NEO1: variants seen among roughly 807,000 people sequenced by gnomAD.
NEO1 encodes the protein neogenin 1, also known as neogenin.
A neutral mutation model predicts 159.7 loss-of-function variants in NEO1; 63 were observed. The observed-to-expected ratio is 0.39, with a 90% CI of 0.32 to 0.49. The LOEUF is 0.49. Among genes scored for constraint, NEO1 ranks in the 20% least tolerant of loss-of-function variants. The probability of loss-of-function intolerance (pLI) is 0.85; values close to 1 mark genes in which losing one functional copy is unlikely to be tolerated. For missense variants in NEO1, 1,615 were observed against 1,831.0 expected, an observed-to-expected ratio of 0.88 and a Z score of 2.15; for synonymous variants, 633 against 662.0, an observed-to-expected ratio of 0.96 and a Z score of 0.67.
intron 16 of NEO1, 118 bp from the exon 17 acceptor site, chr15:73,269,892 T>G: frequency 1.2e-6 from 1 of 804,008 alleles, no homozygotes; most frequent in East Asian, 2.4e-5. Flanking sequence ...CTCTGAATTT[T>G]CTTTCTTTTT....
intron 16 of NEO1, among the ~76,000 whole-genome samples, chr15:73,269,570 G>A (rs1056071597): frequency 2.6e-5 from 4 of 152,168 alleles, no homozygotes; most frequent in African/African-American, 7.2e-5. Context: ...ATATTGGCTA[G>A]GCTGGTCTTG....
At chr15:73,186,127 A>G (rs941884200) in intron 7 of NEO1, among the ~76,000 whole-genome samples, 14 of 151,968 alleles carry the variant, frequency 9.2e-5, no homozygotes, top group African/African-American at 3.4e-4. Flanking sequence ...GACACATTAC[A>G]TACAGAGGAA....
intron 22 of NEO1, among the ~76,000 whole-genome samples, chr15:73,281,317 C>T (rs190372331): frequency 0.014 from 2,174 of 150,998 alleles, 60 homozygotes; most frequent in African/African-American, 0.05. Context: ...GTGCATGGCG[C>T]GATCTCCGCT....
intron 5 of NEO1, among the ~76,000 whole-genome samples, chr15:73,138,771 AC>A (rs150764933): frequency 1.0e-4 from 15 of 145,974 alleles, no homozygotes; most frequent in African/African-American, 2.4e-4. Context: ...AAAAAAAAAA[AC>A]AAAAAAACAA....
intron 7 of NEO1, among the ~76,000 whole-genome samples, chr15:73,185,929 T>G (rs2035894695): frequency 6.6e-6 from 1 of 151,538 alleles, no homozygotes; most frequent in Non-Finnish European, 1.5e-5. Context: ...GCCAAGAATT[T>G]TAAAAAATGA....
At chr15:73,057,270 A>T (rs1396159718) in intron 1 of NEO1, among the ~76,000 whole-genome samples, 1 of 152,124 alleles carries the variant, frequency 6.6e-6, no homozygotes, top group Non-Finnish European at 1.5e-5. Flanking sequence ...GGCTTAATTG[A>T]TCATTGCTGG....
chr15:73,188,457 T>C lies in NEO1; in HGVS notation c.1291+10030T>C, dbSNP rs562334347. The stretch of plus-strand genomic sequence containing the variant: ...TACAGGGGTTCAAAGGCATGGTTTT[T>C]AATGGCCAAAAAACTTTTCCATCAT... On this transcript the variant is annotated intron_variant, in intron 7 of 28. Transcript: ENST00000261908. 5.9e-5 allele frequency among the ~76,000 whole-genome samples: 9 copies of C among 152,314 alleles called. No homozygotes were observed. In the East Asian group the frequency reaches 1.5e-3, roughly 26 times the overall value.
At chr15:73,142,482 A>G (rs2032486819) in intron 5 of NEO1, among the ~76,000 whole-genome samples, 1 of 152,192 alleles carries the variant, frequency 6.6e-6, no homozygotes, top group African/African-American at 2.4e-5. Context: ...CTGAAAGTCC[A>G]TTAGAAAAGC....
chr15:73,148,738 A>G (rs753997572), intron 5 of NEO1, among the ~76,000 whole-genome samples: 5 of 152,212 alleles, frequency 3.3e-5, no homozygotes, highest in Non-Finnish European at 7.3e-5. Flanking sequence ...AGCTAAATGA[A>G]TCTAAATTAT....
At chr15:73,214,956 C>G (rs903315793) in intron 7 of NEO1, among the ~76,000 whole-genome samples, 1 of 152,082 alleles carries the variant, frequency 6.6e-6, no homozygotes, top group Non-Finnish European at 1.5e-5. Context: ...TGATTTCTTT[C>G]AGCAGTGTTT....
chr15:73,173,218 A>G (rs2035078573), intron 5 of NEO1, among the ~76,000 whole-genome samples: 1 of 152,226 alleles, frequency 6.6e-6, no homozygotes, highest in Admixed American at 6.5e-5. Context: ...GAAGGAACAG[A>G]CAAACTTAAC....
rs1445015653 is a variant in NEO1, at chr15:73,303,071, A to G, written c.*375A>G. 5.9e-6 allele frequency: 1 copy of G among 168,144 alleles called. No homozygotes were observed. Among genetic ancestry groups the G allele is most frequent in the African/African-American group, 2.4e-5 (1 of 42,234 alleles). 10.4% of individuals were successfully genotyped at this position (168,144 alleles called of 1,614,324 possible). On this transcript the variant is annotated 3_prime_UTR_variant, in exon 29 of 29. Coordinates refer to ENST00000261908, the MANE Select transcript of NEO1 (RefSeq NM_002499.4). ...GGAGTGTAGACATTGGCATTTATGT[A>G]CAATTTTATTTGTGTCTTATTTTAT...
intron 22 of NEO1, among the ~76,000 whole-genome samples, chr15:73,281,271 C>G (rs369698990): frequency 1.1e-4 from 16 of 150,738 alleles, no homozygotes; most frequent in Non-Finnish European, 1.8e-4. Flanking sequence ...ATTTTTTCCC[C>G]CCTAGACGGA....
intron 2 of NEO1, among the ~76,000 whole-genome samples, chr15:73,122,067 A>G (rs534448490): frequency 0.034 from 537 of 15,612 alleles, 2 homozygotes; most frequent in African/African-American, 0.12. Flanking sequence ...GTGTGTGTAT[A>G]TATATATATA....
chr15:73,114,344 T>C (rs761195788), intron 1 of NEO1, among the ~76,000 whole-genome samples: 45 of 152,272 alleles, frequency 3.0e-4, no homozygotes, highest in Middle Eastern at 3.4e-3. Context: ...CAGGTTTCTT[T>C]GTAAAAGGCA....
At chr15:73,066,295 A>G (rs2068218448) in intron 1 of NEO1, among the ~76,000 whole-genome samples, 1 of 147,302 alleles carries the variant, frequency 6.8e-6, no homozygotes, top group Non-Finnish European at 1.5e-5. Flanking sequence ...CTGGGATTAC[A>G]GGCTTGAGCC....
In NEO1 at chr15:73,126,488, G is replaced by C; in HGVS notation, c.796G>C (p.Val266Leu). 6.2e-7 allele frequency: 1 copy of C among 1,613,684 alleles called. No homozygotes were observed. Reference sequence around the variant, plus strand: ...CTTAGTCAGAGTCATTGGTCAGGATGTAGTGTTGCCATGTGTTGCTTCAGG... The same window carrying C: ...CTTAGTCAGAGTCATTGGTCAGGATCTAGTGTTGCCATGTGTTGCTTCAGG... The part of the protein sequence containing the change: ...SPLVRVIGQD[V>L]VLPCVASGLP... Residue 266 changes from valine to leucine, a missense_variant, in exon 4 of 29, where the codon GTA becomes CTA. Transcript: ENST00000261908.
At chr15:73,263,847 A>T (rs1181311988) in intron 15 of NEO1, among the ~76,000 whole-genome samples, 1 of 152,198 alleles carries the variant, frequency 6.6e-6, no homozygotes, top group East Asian at 1.9e-4. Context: ...CCACGTGAAC[A>T]TCTTTTAAGA....
chr15:73,079,503 C>T (rs2068938216), intron 1 of NEO1, among the ~76,000 whole-genome samples: 1 of 152,036 alleles, frequency 6.6e-6, no homozygotes, highest in Non-Finnish European at 1.5e-5. Context: ...TCAAATAGGC[C>T]AGTGGGTTTT....
Sources: allele counts gnomAD v4.1 joint callset (sites outside exome capture counted in the v4.1 genomes callset), GRCh38; gene constraint gnomAD v4.1.1; transcripts MANE v1.5; gene names NCBI Gene and HGNC (gene_info 2026-07-23, HGNC 2026-07-21).